MTHFD1: variants seen among roughly 807,000 people sequenced by gnomAD.
MTHFD1 encodes the protein C-1-tetrahydrofolate synthase, cytoplasmic.
Under a neutral mutation model 110.3 loss-of-function variants are expected in MTHFD1, and 44 were observed. The ratio of observed to expected loss-of-function variants is 0.40; its 90% CI spans 0.31 to 0.51. The LOEUF (loss-of-function observed/expected upper bound fraction) is 0.51. MTHFD1 is among the 20% of genes least tolerant of loss of function. MTHFD1 has a pLI of 0.60. For missense variants in MTHFD1, 909 were observed against 1,173.1 expected, an observed-to-expected ratio of 0.77 and a Z score of 3.29; for synonymous variants, 402 against 428.8, an observed-to-expected ratio of 0.94 and a Z score of 0.77.
At chr14:64,430,311 T>A in intron 13 of MTHFD1, 81 bp downstream of exon 13, 2 of 1,306,750 alleles carry the variant, frequency 1.5e-6, no homozygotes, top group South Asian at 1.2e-5. Flanking sequence ...TCCCTTTTTT[T>A]CCCCATGACG....
chr14:64,427,491 C>A lies in MTHFD1; in HGVS notation c.1264+18C>A. ...AATAAAAGGTACTAGTGAGACTGGA[C>A]CATGGGTGGTGACAGGGGACCTGCT... On this transcript the variant is annotated intron_variant, in intron 12 of 27. Transcript: ENST00000652337. 1 of 1,613,746 alleles carries A rather than the reference C, an allele frequency of 6.2e-7. No individual in the cohort carries two copies. The highest frequency in any genetic ancestry group is 8.5e-7 in the Non-Finnish European group (1 of 1,179,822).
chr14:64,430,277 C>A, intron 13 of MTHFD1, 47 bp downstream of exon 13: 1 of 1,553,976 alleles, frequency 6.4e-7, no homozygotes, highest in South Asian at 1.1e-5. Context: ...CTTTTTTTGT[C>A]GGGGGGGAGG....
chr14:64,397,060 G>C (rs1298614783), intron 1 of MTHFD1, among the ~76,000 whole-genome samples: 1 of 109,010 alleles, frequency 9.2e-6, no homozygotes, highest in African/African-American at 3.7e-5. Context: ...AGCCGAGATC[G>C]CGCCACTGCA....
At chr14:64,412,790 G>A (rs1013613409) in intron 4 of MTHFD1, among the ~76,000 whole-genome samples, 10 of 151,448 alleles carry the variant, frequency 6.6e-5, no homozygotes, top group East Asian at 2.0e-4. Flanking sequence ...GGCGCCCACC[G>A]CCTCACCTGG....
intron 6 of MTHFD1, among the ~76,000 whole-genome samples, chr14:64,416,143 G>A (rs1194672844): frequency 6.6e-6 from 1 of 152,256 alleles, no homozygotes; most frequent in East Asian, 1.9e-4. Flanking sequence ...TATTCGGGAG[G>A]CAGAGGTGGG....
intron 26 of MTHFD1, 75 bp downstream of exon 26, chr14:64,454,950 C>T: frequency 6.7e-7 from 1 of 1,486,756 alleles, no homozygotes; most frequent in Non-Finnish European, 9.4e-7. Flanking sequence ...AACCATCAAG[C>T]AAATGCCAAG....
intron 24 of MTHFD1, 36 bp from the exon 25 acceptor site, chr14:64,453,718 C>CA: frequency 8.0e-7 from 1 of 1,246,922 alleles, no homozygotes; most frequent in Non-Finnish European, 1.2e-6. Context: ...CACATGTGTC[C>CA]AGTCATGGTG....
chr14:64,459,468 G>A (rs2078527394), intron 27 of MTHFD1, among the ~76,000 whole-genome samples: 1 of 150,828 alleles, frequency 6.6e-6, no homozygotes, highest in African/African-American at 2.4e-5. Flanking sequence ...GAAGCAAACT[G>A]TAGTTTGATG....
intron 21 of MTHFD1, among the ~76,000 whole-genome samples, chr14:64,442,759 G>C (rs552956817): frequency 1.3e-5 from 2 of 152,140 alleles, no homozygotes; most frequent in Non-Finnish European, 2.9e-5. Flanking sequence ...CTGGCAACCA[G>C]CCAACCAAAC....
chr14:64,392,504 A>C (rs2140939988), intron 1 of MTHFD1, among the ~76,000 whole-genome samples: 1 of 152,282 alleles, frequency 6.6e-6, no homozygotes, highest in Non-Finnish European at 1.5e-5. Context: ...TTCTTGATTA[A>C]GTCTCCTTTC....
chr14:64,459,794 C>T lies in MTHFD1; in HGVS notation c.*40C>T, dbSNP rs1038552568. ...ATCTTCAAGAAGCTACTTTGAAAGT[C>T]TGGCCAGTGTCTATTCAGGCCCACT... On this transcript the variant is annotated 3_prime_UTR_variant, in exon 28 of 28. Transcript: ENST00000652337. 4 of 1,535,536 alleles carry T rather than the reference C, an allele frequency of 2.6e-6. No homozygotes were observed. In the African/African-American group the frequency reaches 4.1e-5, roughly 16 times the overall value.
At chr14:64,447,774 G>A (rs866268216) in intron 22 of MTHFD1, among the ~76,000 whole-genome samples, 13 of 152,216 alleles carry the variant, frequency 8.5e-5, no homozygotes, top group African/African-American at 3.1e-4. Context: ...TATGTTGTTA[G>A]GCTCTGTCTT....
At chr14:64,394,031 A>T (rs2077827733) in intron 1 of MTHFD1, among the ~76,000 whole-genome samples, 1 of 152,086 alleles carries the variant, frequency 6.6e-6, no homozygotes, top group Non-Finnish European at 1.5e-5. Context: ...AGCTTCTTTG[A>T]CGTCCCATCC....
At chr14:64,436,271 T>G (rs1596550010) in intron 16 of MTHFD1, among the ~76,000 whole-genome samples, 1 of 152,260 alleles carries the variant, frequency 6.6e-6, no homozygotes, top group Non-Finnish European at 1.5e-5. Flanking sequence ...ATTTTTTGTA[T>G]TTTTAGTAGA....
chr14:64,450,703 T>C (rs2078355756), intron 24 of MTHFD1, among the ~76,000 whole-genome samples: 1 of 152,122 alleles, frequency 6.6e-6, no homozygotes, highest in African/African-American at 2.4e-5. Flanking sequence ...CTGGCTTGAT[T>C]TTTTTGTTTT....
intron 2 of MTHFD1, among the ~76,000 whole-genome samples, chr14:64,405,243 A>G (rs2077927567): frequency 1.3e-5 from 2 of 152,136 alleles, no homozygotes; most frequent in African/African-American, 2.4e-5. Context: ...CAAGAAGTAT[A>G]CCCTTTTTAA....
At chr14:64,409,082 T>C (rs1175028281) in intron 2 of MTHFD1, among the ~76,000 whole-genome samples, 1 of 152,246 alleles carries the variant, frequency 6.6e-6, no homozygotes, top group Non-Finnish European at 1.5e-5. Flanking sequence ...GAACTGGTTG[T>C]AGTTTTAGTG....
At chr14:64,436,058 T>A (rs2078203680) in intron 16 of MTHFD1, among the ~76,000 whole-genome samples, 1 of 152,212 alleles carries the variant, frequency 6.6e-6, no homozygotes, top group African/African-American at 2.4e-5. Context: ...TTGTGTGGCA[T>A]AAATGACTTG....
intron 18 of MTHFD1, chr14:64,440,572 C>G (rs1057439169): frequency 2.4e-6 from 1 of 408,972 alleles, no homozygotes; most frequent in Non-Finnish European, 4.6e-6. Flanking sequence ...TCAAGAGTAC[C>G]ATTGCTTTAT....
Sources: allele counts gnomAD v4.1 joint callset (sites outside exome capture counted in the v4.1 genomes callset), GRCh38; gene constraint gnomAD v4.1.1; transcripts MANE v1.5; gene names NCBI Gene and HGNC (gene_info 2026-07-23, HGNC 2026-07-21).